USP42: variants seen among roughly 807,000 people sequenced by gnomAD.
USP42 encodes the protein ubiquitin specific peptidase 42, also known as ubiquitin carboxyl-terminal hydrolase 42.
Under a neutral mutation model 113.0 loss-of-function variants are expected in USP42, and 23 were observed. The ratio of observed to expected loss-of-function variants is 0.20; its 90% CI spans 0.15 to 0.29. The LOEUF (loss-of-function observed/expected upper bound fraction) is 0.29. USP42 is among the 10% of genes least tolerant of loss of function. USP42 has a pLI of 1.00. For missense variants in USP42, 2,174 were observed against 1,779.8 expected (o/e 1.22, Z -3.99); for synonymous variants, 933 against 699.0 (o/e 1.33, Z -5.28).
intron 1 of USP42, among the ~76,000 whole-genome samples, chr7:6,106,448 A>G (rs1188059334): frequency 6.6e-6 from 1 of 152,240 alleles, no homozygotes; most frequent in East Asian, 1.9e-4. Context: ...TTTGATAACA[A>G]GGGAGACATA....
intron 3 of USP42, among the ~76,000 whole-genome samples, chr7:6,132,051 A>C (rs765501731): frequency 6.6e-6 from 1 of 152,152 alleles, no homozygotes; most frequent in South Asian, 2.1e-4. Flanking sequence ...TCCCACCTCA[A>C]CTTCCTGAAT....
intron 3 of USP42, among the ~76,000 whole-genome samples, chr7:6,125,506 A>G (rs1780488801): frequency 6.6e-6 from 1 of 152,146 alleles, no homozygotes; most frequent in Non-Finnish European, 1.5e-5. Flanking sequence ...AAAACACAAC[A>G]ATATTCTGCT....
At chr7:6,110,983 A>G (rs1442760387) in intron 1 of USP42, 142 bp from the exon 2 acceptor site, 7 of 754,416 alleles carry the variant, frequency 9.3e-6, no homozygotes, top group Non-Finnish European at 1.2e-5. Context: ...AATGTTAGAA[A>G]GTACTATTGT....
At position 6,154,431 on chromosome 7, in the gene USP42, C is replaced by A; in HGVS notation, c.2877C>A (p.Arg959=). The A allele has an allele frequency of 1.3e-6, 2 of 1,572,608 alleles. No individual in the cohort carries two copies. Among genetic ancestry groups the A allele is most frequent in the South Asian group, 2.3e-5 (2 of 85,602 alleles). The change falls in exon 15 of 18, where the codon CGC becomes CGA. Residue 959 remains arginine, a synonymous_variant. Coordinates refer to ENST00000306177, the MANE Select transcript of USP42 (RefSeq NM_032172.3). ...DRGHYRSRRE[R]SSSGEPARES... ...GCCACTACCGCAGCCGGAGAGAGCG[C>A]TCGTCCAGCGGGGAGCCCGCCAGAG... is the stretch of plus-strand genomic sequence containing the variant.
At position 6,156,853 on chromosome 7, in the gene USP42, A is replaced by G. The variant is rs376372245; in HGVS notation, c.3741A>G (p.Ser1247=). Reference sequence around the variant, plus strand: ...AAAAGAAGAGACATTCAAGAAAATCAGAGGACTTTGTTAAAGATTCAGAAC... The same window carrying G: ...AAAAGAAGAGACATTCAAGAAAATCGGAGGACTTTGTTAAAGATTCAGAAC... ...KKKKKRHSRK[S]EDFVKDSELH... is the part of the protein sequence containing the mutation. The change falls in exon 16 of 18, where the codon TCA becomes TCG. Residue 1247 remains serine, a synonymous_variant. Transcript: ENST00000306177. 1 of 1,610,802 alleles carries G rather than the reference A, an allele frequency of 6.2e-7. No homozygotes were observed. The highest frequency in any genetic ancestry group is 8.5e-7 in the Non-Finnish European group (1 of 1,179,170).
the USP42 span, among the ~76,000 whole-genome samples, chr7:6,087,710 A>G: frequency 2.6e-5 from 4 of 151,090 alleles, no homozygotes; most frequent in South Asian, 8.3e-4. Context: ...TTCTCCAACA[A>G]CTATTTGAGA....
intron 3 of USP42, among the ~76,000 whole-genome samples, chr7:6,117,819 T>G (rs1206478504): frequency 6.6e-6 from 1 of 152,222 alleles, no homozygotes. Flanking sequence ...CTCTTTTCTT[T>G]TTTGTTTTGT....
At chr7:6,156,271 G>C (rs1224532184) in intron 15 of USP42, among the ~76,000 whole-genome samples, 1 of 152,190 alleles carries the variant, frequency 6.6e-6, no homozygotes, top group African/African-American at 2.4e-5. Context: ...AGGAGGCTTA[G>C]TATTTCCTTT....
At chr7:6,094,975 A>C in the USP42 span, among the ~76,000 whole-genome samples, 2 of 151,054 alleles carry the variant, frequency 1.3e-5, 1 homozygote, top group African/African-American at 4.9e-5. Context: ...TTTAGTAGAG[A>C]TGGAGTTTCG....
intron 3 of USP42, among the ~76,000 whole-genome samples, chr7:6,130,878 C>T (rs1434152107): frequency 6.6e-6 from 1 of 152,012 alleles, no homozygotes; most frequent in Non-Finnish European, 1.5e-5. Flanking sequence ...GCATTATTGG[C>T]CAGAGCCTTC....
chr7:6,117,481 G>T lies in USP42; in HGVS notation c.442+1958G>T, dbSNP rs138253773. On this transcript the variant is annotated intron_variant, in intron 3 of 17. Transcript: ENST00000306177. ...TCTGGGTCATTTTTCACTTTGTGCCGTTACAAATTAAGCTGCTATGAACAT... is the reference window on the plus strand; with the variant it reads ...TCTGGGTCATTTTTCACTTTGTGCCTTTACAAATTAAGCTGCTATGAACAT... 1.2e-4 allele frequency among the ~76,000 whole-genome samples: 19 copies of T among 152,238 alleles called. No individual in the cohort carries two copies. In the East Asian group the frequency reaches 3.1e-3, roughly 25 times the overall value.
chr7:6,116,774 C>G (rs867665910), intron 3 of USP42: 1 of 532,930 alleles, frequency 1.9e-6, no homozygotes, highest in African/African-American at 1.9e-5. Context: ...TCTGTTTGCC[C>G]TCATTTTCTC....
chr7:6,111,898 C>G (rs1201730686), intron 2 of USP42: 1 of 152,704 alleles, frequency 6.5e-6, no homozygotes, highest in African/African-American at 2.4e-5. Flanking sequence ...CAGGCATGAA[C>G]CACCACGCCA....
chr7:6,089,108 G>A, the USP42 span, among the ~76,000 whole-genome samples: 32 of 150,582 alleles, frequency 2.1e-4, no homozygotes, highest in East Asian at 6.0e-3. Context: ...GAAGTGGTGC[G>A]ATCTCTGTTC....
At chr7:6,131,961 C>T (rs1780874811) in intron 3 of USP42, among the ~76,000 whole-genome samples, 1 of 152,130 alleles carries the variant, frequency 6.6e-6, no homozygotes, top group South Asian at 2.1e-4. Context: ...TTGAGACAGG[C>T]TGTCACTCTC....
chr7:6,150,603 A>G, intron 14 of USP42, 97 bp downstream of exon 14: 2 of 1,048,396 alleles, frequency 1.9e-6, no homozygotes, highest in Non-Finnish European at 2.9e-6. Context: ...GAAATTTTAT[A>G]ATGAACATTT....
At chr7:6,109,299 C>A (rs938655385) in intron 1 of USP42, among the ~76,000 whole-genome samples, 1 of 151,964 alleles carries the variant, frequency 6.6e-6, no homozygotes, top group African/African-American at 2.4e-5. Flanking sequence ...GGGTGTTTGG[C>A]GAGGTTATTA....
rs962424688 is a variant in USP42 at position 6,145,511 on chromosome 7, T to C, written c.991-5T>C. On this transcript the variant is annotated splice_region_variant and splice_polypyrimidine_tract_variant and intron_variant, in intron 9 of 17. Transcript: ENST00000306177. ...AATGTTTCTCCTGTTTCCATTTCCTTCTAGGATGTGAAATACCCTGAGTAT... is the reference window on the plus strand; with the variant it reads ...AATGTTTCTCCTGTTTCCATTTCCTCCTAGGATGTGAAATACCCTGAGTAT... 40 of 1,613,846 alleles carry C rather than the reference T, an allele frequency of 2.5e-5. No individual in the cohort carries two copies. The highest frequency in any genetic ancestry group is 1.6e-4 in the Middle Eastern group (1 of 6,084).
rs951862409 is a variant in USP42, at chr7:6,111,109, T to C, written c.-9-16T>C. The C allele has an allele frequency of 6.2e-7, 1 of 1,601,136 alleles. No individual in the cohort carries two copies. The highest frequency in any genetic ancestry group is 8.5e-7 in the Non-Finnish European group (1 of 1,170,344). On this transcript the variant is annotated splice_polypyrimidine_tract_variant and intron_variant, in intron 1 of 17. Coordinates refer to ENST00000306177, the MANE Select transcript of USP42 (RefSeq NM_032172.3). Reference sequence around the variant, plus strand: ...CTCACCTGATGAAACAAATACATACTTTTCATCTTTTGCAGAGTTGAACAA... The same window carrying C: ...CTCACCTGATGAAACAAATACATACCTTTCATCTTTTGCAGAGTTGAACAA...
Sources: allele counts gnomAD v4.1 joint callset (sites outside exome capture counted in the v4.1 genomes callset), GRCh38; gene constraint gnomAD v4.1.1; transcripts MANE v1.5; gene names NCBI Gene and HGNC (gene_info 2026-07-23, HGNC 2026-07-21).